Variants in ZNF385D observed in about 807,000 individuals in gnomAD.
The protein encoded by ZNF385D is zinc finger protein 659.
In ZNF385D, 15 loss-of-function variants were observed where a neutral mutation model predicts 35.8. That is an observed-to-expected ratio of 0.42 (90% CI 0.28 to 0.64). ZNF385D has a LOEUF of 0.64. ZNF385D is among the 30% of genes least tolerant of loss of function. The probability of loss-of-function intolerance (pLI) is 0.23; values close to 1 mark genes in which losing one functional copy is unlikely to be tolerated. For synonymous variants in ZNF385D, 212 were observed against 186.8 expected, an observed-to-expected ratio of 1.13 and a Z score of -1.10; for missense variants, 474 against 494.6, an observed-to-expected ratio of 0.96 and a Z score of 0.39.
intron 3 of ZNF385D, among the ~76,000 whole-genome samples, chr3:21,806,137 C>T (rs890435819): frequency 6.6e-6 from 1 of 151,996 alleles, no homozygotes; most frequent in Non-Finnish European, 1.5e-5. Context: ...GGACTACCTG[C>T]CTTCTTCCTT....
At chr3:22,244,040 C>A (rs1576553284) in intron 2 of ZNF385D, among the ~76,000 whole-genome samples, 1 of 150,956 alleles carries the variant, frequency 6.6e-6, no homozygotes, top group Non-Finnish European at 1.5e-5. Flanking sequence ...CTTAGCACTT[C>A]TCTCACCAGA....
At chr3:21,742,406 A>G (rs1204034667) in intron 1 of ZNF385D, among the ~76,000 whole-genome samples, 6 of 152,204 alleles carry the variant, frequency 3.9e-5, no homozygotes, top group Admixed American at 3.9e-4. Context: ...TCTCCCATTT[A>G]AATTGCTACT....
intron 3 of ZNF385D, among the ~76,000 whole-genome samples, chr3:21,889,635 A>G (rs1344512343): frequency 6.6e-6 from 1 of 152,196 alleles, no homozygotes; most frequent in African/African-American, 2.4e-5. Flanking sequence ...AGAAAGGAAG[A>G]GGCTCCAGGG....
rs564604907 is a variant in ZNF385D, at chr3:22,018,549, T to A, written c.325+150268A>T. Among the ~76,000 whole-genome samples the A allele has an allele frequency of 1.1e-4, 16 of 152,142 alleles. No individual in the cohort carries two copies. The South Asian group carries it at 3.3e-3, about 32-fold the overall frequency. On this transcript the variant is annotated intron_variant, in intron 3 of 5. Transcript: ENST00000494108. Reference sequence around the variant, plus strand: ...GTTAGTTCCTAATTCTCTGATTTTGTTTCATTACATCTTCCATTATATGCT... The same window carrying A: ...GTTAGTTCCTAATTCTCTGATTTTGATTCATTACATCTTCCATTATATGCT...
chr3:21,805,661 G>A (rs1269396665), intron 3 of ZNF385D, among the ~76,000 whole-genome samples: 1 of 152,064 alleles, frequency 6.6e-6, no homozygotes, highest in Admixed American at 6.6e-5. Context: ...CTGACATTCG[G>A]GTTTCTCCTT....
intron 3 of ZNF385D, among the ~76,000 whole-genome samples, chr3:21,757,883 G>C (rs1162988784): frequency 1.3e-5 from 2 of 152,154 alleles, no homozygotes; most frequent in Non-Finnish European, 2.9e-5. Flanking sequence ...GCCTCAGATG[G>C]TGTCTGAAAC....
intron 3 of ZNF385D, among the ~76,000 whole-genome samples, chr3:21,791,380 T>A (rs1559625201): frequency 6.6e-6 from 1 of 152,118 alleles, no homozygotes; most frequent in Non-Finnish European, 1.5e-5. Context: ...AGGGGACAAA[T>A]GAAAAACATT....
chr3:21,834,769 A>ATGGATAT (rs1553681422), intron 3 of ZNF385D, among the ~76,000 whole-genome samples: 2 of 151,440 alleles, frequency 1.3e-5, no homozygotes, highest in African/African-American at 4.8e-5. Context: ...TGGGAGATGA[A>ATGGATAT]TGGATCTTGG....
In ZNF385D at chr3:21,952,600, T is replaced by G. The variant is rs147701319; in HGVS notation, c.325+216217A>C. 2.8e-3 allele frequency among the ~76,000 whole-genome samples: 431 copies of G among 152,070 alleles called. 2 individuals are homozygous for G. Among genetic ancestry groups the G allele is most frequent in the African/African-American group, 9.9e-3 (412 of 41,528 alleles). ...CTCACCTTTAAAATATAGATAATAATAAAACCTAACTCAGAAAGTGGTTGT... is the reference window on the plus strand; with the variant it reads ...CTCACCTTTAAAATATAGATAATAAGAAAACCTAACTCAGAAAGTGGTTGT... On this transcript the variant is annotated intron_variant, in intron 3 of 5. Transcript: ENST00000494108.
chr3:22,212,125 T>C lies in ZNF385D; in HGVS notation c.107-43090A>G, dbSNP rs114591462. Among the ~76,000 whole-genome samples, 1,249 of 152,064 alleles carry C rather than the reference T, an allele frequency of 8.2e-3. 21 individuals carry two copies. The highest frequency in any genetic ancestry group is 0.029 in the African/African-American group (1,201 of 41,534). ...ACAAACCTCTGTTTTCTCCTTCAAA[T>C]GTCAAAAAGTTGGGCAGTTTCTTGC... On this transcript the variant is annotated intron_variant, in intron 2 of 5. Transcript: ENST00000494108.
intron 2 of ZNF385D, among the ~76,000 whole-genome samples, chr3:22,350,694 GT>G (rs1187436172): frequency 6.6e-6 from 1 of 151,504 alleles, no homozygotes; most frequent in Admixed American, 6.6e-5. Context: ...TTTTTTTGTT[GT>G]TTTTTTCACA....
At chr3:21,988,794 C>G (rs1041106996) in intron 3 of ZNF385D, among the ~76,000 whole-genome samples, 1 of 152,092 alleles carries the variant, frequency 6.6e-6, no homozygotes, top group African/African-American at 2.4e-5. Context: ...AGTTTGATCT[C>G]AGACTGCTGT....
At chr3:21,857,676 G>T (rs1283185355) in intron 3 of ZNF385D, among the ~76,000 whole-genome samples, 2 of 151,924 alleles carry the variant, frequency 1.3e-5, no homozygotes, top group Non-Finnish European at 2.9e-5. Context: ...AGAGGAGCCA[G>T]GGAATGGGGT....
chr3:21,857,193 G>C (rs566189019), intron 3 of ZNF385D, among the ~76,000 whole-genome samples: 15 of 152,078 alleles, frequency 9.9e-5, no homozygotes, highest in African/African-American at 3.4e-4. Flanking sequence ...TATTTAGTTA[G>C]GTCATTTCAT....
chr3:21,565,811 A>AATAG (rs1312157298), intron 2 of ZNF385D, among the ~76,000 whole-genome samples: 2 of 152,184 alleles, frequency 1.3e-5, no homozygotes, highest in South Asian at 2.1e-4. Context: ...AAGTCTTCAT[A>AATAG]ATAGATTGAG....
In ZNF385D at chr3:21,426,523, C is replaced by CT. The variant is rs112254979; in HGVS notation, c.674-854dup. Among the ~76,000 whole-genome samples the CT allele has an allele frequency of 1.2e-3, 188 of 150,976 alleles. 1 individual carries two copies. The highest frequency in any genetic ancestry group is 4.3e-3 in the African/African-American group (178 of 41,184). On this transcript the variant is annotated intron_variant, in intron 5 of 7. Coordinates refer to ENST00000281523, the MANE Select transcript of ZNF385D (RefSeq NM_024697.3). ...TCTCTGAAAATTTTGCACAAAATTTCTTTTTTTTTAGAGTTGATAAGTATT... is the reference window on the plus strand; with the variant it reads ...TCTCTGAAAATTTTGCACAAAATTTCTTTTTTTTTTAGAGTTGATAAGTATT...
chr3:22,334,388 C>T (rs1575141277), intron 2 of ZNF385D, among the ~76,000 whole-genome samples: 2 of 152,150 alleles, frequency 1.3e-5, no homozygotes, highest in African/African-American at 4.8e-5. Flanking sequence ...TATGTTAGTT[C>T]CATTTACCCT....
At chr3:21,478,179 C>T (rs933365845) in intron 4 of ZNF385D, among the ~76,000 whole-genome samples, 11 of 152,072 alleles carry the variant, frequency 7.2e-5, no homozygotes, top group African/African-American at 2.7e-4. Context: ...CAAAGCAAAA[C>T]CTAGCACATA....
chr3:21,944,185 C>T (rs1039510691), intron 3 of ZNF385D, among the ~76,000 whole-genome samples: 3 of 152,172 alleles, frequency 2.0e-5, no homozygotes, highest in African/African-American at 7.2e-5. Context: ...AGCAGCATTG[C>T]ACTTTCTGCT....
Sources: gnomAD v4.1 joint callset for allele counts (sites outside exome capture counted in the v4.1 genomes callset) on GRCh38, gnomAD v4.1.1 for gene constraint, MANE v1.5 for transcripts, NCBI Gene and HGNC (gene_info 2026-07-23, HGNC 2026-07-21) for gene names.